The following EPHA6 variants were observed in gnomAD, a reference collection of about 807,000 sequenced individuals.
EPHA6 encodes EPH receptor A6.
EPHA6 carries 50 observed loss-of-function variants against 112.0 expected under a neutral mutation model. The ratio of observed to expected loss-of-function variants is 0.45; its 90% CI spans 0.36 to 0.56. EPHA6 has a LOEUF of 0.56. Ranked by LOEUF, EPHA6 falls within the 20% of genes least tolerant of loss-of-function variation. The pLI is 0.00. For missense variants in EPHA6, 1,280 were observed against 1,417.4 expected, an observed-to-expected ratio of 0.90 and a Z score of 1.56; for synonymous variants, 529 against 490.7, an observed-to-expected ratio of 1.08 and a Z score of -1.03.
chr3:96,960,959 C>A (rs758863444), intron 2 of EPHA6, among the ~76,000 whole-genome samples: 10 of 152,206 alleles, frequency 6.6e-5, no homozygotes, highest in Non-Finnish European at 1.5e-4. Context: ...TTTCACAGTT[C>A]TTGCCAGTTC....
At chr3:97,233,562 T>G (rs1283449122) in intron 4 of EPHA6, among the ~76,000 whole-genome samples, 1 of 152,174 alleles carries the variant, frequency 6.6e-6, no homozygotes, top group African/African-American at 2.4e-5. Context: ...ATGCATTCTC[T>G]CCATGCTAGA....
chr3:97,700,257 C>A (rs953125724), intron 14 of EPHA6, among the ~76,000 whole-genome samples: 4 of 152,198 alleles, frequency 2.6e-5, no homozygotes, highest in African/African-American at 9.6e-5. Flanking sequence ...CTGTAGAACT[C>A]TTTTCTGTCT....
intron 3 of EPHA6, among the ~76,000 whole-genome samples, chr3:97,072,203 T>C (rs970652795): frequency 6.6e-6 from 1 of 152,148 alleles, no homozygotes; most frequent in African/African-American, 2.4e-5. Flanking sequence ...TAGCGTTCTA[T>C]CCATAAAAAG....
At chr3:97,347,665 C>T (rs2083599231) in intron 5 of EPHA6, among the ~76,000 whole-genome samples, 3 of 151,946 alleles carry the variant, frequency 2.0e-5, no homozygotes, top group African/African-American at 7.2e-5. Flanking sequence ...ATAAAAGAGC[C>T]ATAATTCTTA....
At chr3:97,621,649 G>C (rs2093815007) in intron 13 of EPHA6, among the ~76,000 whole-genome samples, 1 of 151,744 alleles carries the variant, frequency 6.6e-6, no homozygotes, top group Non-Finnish European at 1.5e-5. Context: ...ATACCCAAAG[G>C]TAACTAGGCA....
intron 7 of EPHA6, among the ~76,000 whole-genome samples, chr3:97,449,897 G>A (rs79444370): frequency 0.016 from 2,430 of 152,122 alleles, 78 homozygotes; most frequent in African/African-American, 0.055. Context: ...TATGACAGAA[G>A]GAATATTTTG....
chr3:97,343,449 GT>G (rs1425026772), intron 5 of EPHA6, among the ~76,000 whole-genome samples: 1 of 152,136 alleles, frequency 6.6e-6, no homozygotes, highest in African/African-American at 2.4e-5. Context: ...AGATGGAATT[GT>G]TAGGCAAAAA....
intron 14 of EPHA6, among the ~76,000 whole-genome samples, chr3:97,665,622 A>G (rs1235344329): frequency 6.6e-6 from 1 of 152,212 alleles, no homozygotes; most frequent in Non-Finnish European, 1.5e-5. Context: ...CCCTTAAAAC[A>G]CAATTCCATA....
At chr3:97,402,700 C>T (rs932102600) in intron 5 of EPHA6, among the ~76,000 whole-genome samples, 1 of 152,200 alleles carries the variant, frequency 6.6e-6, no homozygotes, top group Middle Eastern at 3.4e-3. Context: ...ATATGACAAA[C>T]TTTTATTTCC....
chr3:96,857,232 T>C (rs1259287613), intron 1 of EPHA6, among the ~76,000 whole-genome samples: 1 of 152,186 alleles, frequency 6.6e-6, no homozygotes, highest in Non-Finnish European at 1.5e-5. Flanking sequence ...GCATTTACTT[T>C]ATTGCAGAAA....
Position 97,720,290 on chromosome 3 carries a change from C to G in EPHA6, c.2814C>G (p.Ala938=), listed in dbSNP as rs969353288. Residue 938 remains alanine (A), a synonymous_variant, in exon 15 of 18, where the codon GCC becomes GCG. Coordinates refer to ENST00000389672, the MANE Select transcript of EPHA6 (RefSeq NM_001080448.3). The stretch of plus-strand genomic sequence containing the variant: ...GAAAAATCCCCATAAGGTGGACAGC[C>G]CCAGAAGCCATCGCCTACAGAAAAT... The part of the protein sequence containing the change: ...TGGKIPIRWT[A]PEAIAYRKFS... The G allele has an allele frequency of 4.3e-6, 7 of 1,609,944 alleles. No individual in the cohort carries two copies. Among genetic ancestry groups the G allele is most frequent in the Non-Finnish European group, 4.2e-6 (5 of 1,178,182 alleles).
intron 5 of EPHA6, among the ~76,000 whole-genome samples, chr3:97,274,497 A>T (rs2080000576): frequency 6.6e-6 from 1 of 152,214 alleles, no homozygotes; most frequent in Admixed American, 6.5e-5. Flanking sequence ...CTTTCAGCCC[A>T]TACAACAGCA....
intron 14 of EPHA6, among the ~76,000 whole-genome samples, chr3:97,653,197 G>A (rs1241209749): frequency 6.6e-6 from 1 of 151,796 alleles, no homozygotes; most frequent in African/African-American, 2.4e-5. Context: ...AATAACAAAG[G>A]AAACAATCAA....
chr3:97,610,927 T>C (rs2093714650), intron 13 of EPHA6, 73 bp downstream of exon 13: 19 of 1,260,754 alleles, frequency 1.5e-5, no homozygotes, highest in Admixed American at 2.1e-5. Flanking sequence ...TATCATAAAT[T>C]AATTTTTGCA....
rs191570580 is a variant in EPHA6, at chr3:97,282,722, C to T, written c.1606+38435C>T. 4.8e-3 allele frequency among the ~76,000 whole-genome samples: 738 copies of T among 152,172 alleles called. 6 individuals carry two copies. Among genetic ancestry groups the T allele is most frequent in the African/African-American group, 0.017 (687 of 41,506 alleles). ...TGAAGCTGGAAGCCATTATCTTCAC[C>T]AAACTAACACAGGAATAGGAAACCA... On this transcript the variant is annotated intron_variant, in intron 5 of 17. Transcript: ENST00000389672.
intron 5 of EPHA6, among the ~76,000 whole-genome samples, chr3:97,403,159 AC>A (rs2087102925): frequency 6.6e-6 from 1 of 152,116 alleles, no homozygotes; most frequent in African/African-American, 2.4e-5. Flanking sequence ...TTGCTTCATA[AC>A]TTTATATATA....
chr3:97,139,039 GC>G (rs989645676), intron 3 of EPHA6, among the ~76,000 whole-genome samples: 28 of 152,084 alleles, frequency 1.8e-4, no homozygotes, highest in Non-Finnish European at 2.5e-4. Context: ...CTGGAGGGTT[GC>G]CCAAGTGGCC....
At chr3:96,981,969 C>A (rs926418119) in intron 2 of EPHA6, among the ~76,000 whole-genome samples, 4 of 151,994 alleles carry the variant, frequency 2.6e-5, no homozygotes, top group Non-Finnish European at 5.9e-5. Context: ...GTCCTGCTAG[C>A]GGTCTATCAA....
rs149538959 is a variant in EPHA6 at position 97,192,231 on chromosome 3, G to C, written c.1115-34033G>C. Among the ~76,000 whole-genome samples, 1,222 of 152,186 alleles carry C rather than the reference G, an allele frequency of 8.0e-3. 17 individuals are homozygous for C. Among genetic ancestry groups the C allele is most frequent in the African/African-American group, 0.026 (1,091 of 41,544 alleles). On this transcript the variant is annotated intron_variant, in intron 3 of 17. Coordinates refer to ENST00000389672, the MANE Select transcript of EPHA6 (RefSeq NM_001080448.3). ...AGCTCACTGAAACTTCTGCCTCCCA[G>C]GTTCAAGCCACTCTGGTGCCTCAGC...
Sources: gnomAD v4.1 joint callset for allele counts (sites outside exome capture counted in the v4.1 genomes callset) on GRCh38, gnomAD v4.1.1 for gene constraint, MANE v1.5 for transcripts, NCBI Gene and HGNC (gene_info 2026-07-23, HGNC 2026-07-21) for gene names.